The following PTPRD variants were observed in gnomAD, a reference collection of about 807,000 sequenced individuals.
PTPRD encodes the protein receptor-type tyrosine-protein phosphatase delta.
In PTPRD, 34 loss-of-function variants were observed where a neutral mutation model predicts 214.5. The ratio of observed to expected loss-of-function variants is 0.16; its 90% CI spans 0.12 to 0.21. PTPRD has a LOEUF of 0.21. Among genes scored for constraint, PTPRD ranks in the 10% least tolerant of loss-of-function variants. The pLI is 1.00. For synonymous variants in PTPRD, 1,128 were observed against 845.7 expected (o/e 1.33, Z -5.79); for missense variants, 2,545 against 2,398.7 (o/e 1.06, Z -1.27).
intron 10 of PTPRD, among the ~76,000 whole-genome samples, chr9:9,130,090 A>C (rs1307014903): frequency 6.6e-6 from 1 of 152,172 alleles, no homozygotes; most frequent in African/African-American, 2.4e-5. Context: ...TATGTTAAGT[A>C]CTAGGGATAG....
chr9:10,180,989 A>G (rs989409452), intron 3 of PTPRD, among the ~76,000 whole-genome samples: 10 of 152,096 alleles, frequency 6.6e-5, no homozygotes, highest in Non-Finnish European at 1.2e-4. Flanking sequence ...ATTTATTAAG[A>G]TTAAGAATAG....
At chr9:10,528,483 A>G (rs2055039783) in intron 2 of PTPRD, among the ~76,000 whole-genome samples, 1 of 152,190 alleles carries the variant, frequency 6.6e-6, no homozygotes, top group African/African-American at 2.4e-5. Context: ...ATATTATAAC[A>G]TCTTTTACCA....
At chr9:9,046,981 C>T (rs536463537) in intron 10 of PTPRD, among the ~76,000 whole-genome samples, 2 of 152,190 alleles carry the variant, frequency 1.3e-5, no homozygotes, top group African/African-American at 2.4e-5. Context: ...TCAAATAATC[C>T]TTGCTTGCAG....
chr9:9,829,591 G>A (rs1467813817), intron 5 of PTPRD, among the ~76,000 whole-genome samples: 10 of 151,690 alleles, frequency 6.6e-5, no homozygotes, highest in South Asian at 4.1e-4. Flanking sequence ...ATTTTGATAC[G>A]CAGTTAGCCA....
chr9:9,254,324 T>C (rs747883392), intron 9 of PTPRD, among the ~76,000 whole-genome samples: 5 of 152,048 alleles, frequency 3.3e-5, no homozygotes, highest in Non-Finnish European at 7.4e-5. Flanking sequence ...TCTGTCTGGT[T>C]GGATGTTGTA....
intron 11 of PTPRD, among the ~76,000 whole-genome samples, chr9:8,753,651 A>G (rs2093725598): frequency 6.6e-6 from 1 of 152,236 alleles, no homozygotes; most frequent in Admixed American, 6.5e-5. Context: ...TAAATACAAG[A>G]TCAATATAAG....
At chr9:10,284,592 G>T (rs2095276424) in intron 3 of PTPRD, among the ~76,000 whole-genome samples, 1 of 152,182 alleles carries the variant, frequency 6.6e-6, no homozygotes, top group Non-Finnish European at 1.5e-5. Flanking sequence ...CATAGTTCTT[G>T]TGGGTCAGAA....
In PTPRD at chr9:10,254,662, G is replaced by T. The variant is rs546258509; in HGVS notation, c.-545+86301C>A. Among the ~76,000 whole-genome samples, 43 of 152,176 alleles carry T rather than the reference G, an allele frequency of 2.8e-4. 1 individual carries two copies. Among genetic ancestry groups the T allele is most frequent in the Admixed American group, 4.6e-4 (7 of 15,290 alleles). ...AGAGTAAAAGATTCCCAAAAGGAAG[G>T]GGATCCTTTTGACTGCCAGATGTGG... On this transcript the variant is annotated intron_variant, in intron 3 of 45. Transcript: ENST00000381196.
chr9:9,742,901 C>G (rs981126365), intron 6 of PTPRD, among the ~76,000 whole-genome samples: 1 of 152,188 alleles, frequency 6.6e-6, no homozygotes, highest in South Asian at 2.1e-4. Context: ...ACTCATTATA[C>G]TGGCATAGAG....
chr9:9,843,438 G>A (rs1041234869), intron 5 of PTPRD, among the ~76,000 whole-genome samples: 13 of 151,496 alleles, frequency 8.6e-5, no homozygotes, highest in Non-Finnish European at 1.6e-4. Context: ...TAATGACCTT[G>A]GCCAAGTTAC....
At chr9:10,485,578 C>A (rs1426218872) in intron 2 of PTPRD, among the ~76,000 whole-genome samples, 1 of 151,932 alleles carries the variant, frequency 6.6e-6, no homozygotes, top group Non-Finnish European at 1.5e-5. Flanking sequence ...TCTTTCACTT[C>A]TTTGGTTAAG....
At chr9:10,111,024 G>C (rs1469938322) in intron 3 of PTPRD, among the ~76,000 whole-genome samples, 1 of 151,998 alleles carries the variant, frequency 6.6e-6, no homozygotes, top group Non-Finnish European at 1.5e-5. Flanking sequence ...AGAGTGCTGG[G>C]TTCTAGAACT....
At chr9:9,181,042 A>T (rs1468656949) in intron 10 of PTPRD, among the ~76,000 whole-genome samples, 1 of 152,066 alleles carries the variant, frequency 6.6e-6, no homozygotes, top group Non-Finnish European at 1.5e-5. Context: ...AAAGAATTTG[A>T]AAGTCAGAAA....
At chr9:9,523,043 T>A (rs2097026954) in intron 8 of PTPRD, among the ~76,000 whole-genome samples, 1 of 152,172 alleles carries the variant, frequency 6.6e-6, no homozygotes, top group Non-Finnish European at 1.5e-5. Flanking sequence ...TGACCTAACT[T>A]AATCATAATT....
At chr9:10,250,039 A>ATTG (rs34134694) in intron 3 of PTPRD, among the ~76,000 whole-genome samples, 88,244 of 151,674 alleles carry the variant, frequency 0.58, 27,458 homozygotes, top group East Asian at 0.73. Context: ...TAAAATGAAT[A>ATTG]TTAAGATGGG....
At chr9:8,387,787 G>C (rs2087734161) in intron 37 of PTPRD, among the ~76,000 whole-genome samples, 1 of 152,106 alleles carries the variant, frequency 6.6e-6, no homozygotes, top group South Asian at 2.1e-4. Context: ...TTCTTGTAAA[G>C]GGCTGTTATG....
intron 9 of PTPRD, among the ~76,000 whole-genome samples, chr9:9,204,151 G>T (rs2099943441): frequency 6.6e-6 from 1 of 152,118 alleles, no homozygotes; most frequent in Non-Finnish European, 1.5e-5. Flanking sequence ...CAAGAATAGG[G>T]ACTTCTGATT....
chr9:10,549,124 C>G (rs924453616), intron 2 of PTPRD, among the ~76,000 whole-genome samples: 4 of 152,042 alleles, frequency 2.6e-5, no homozygotes, highest in Admixed American at 2.6e-4. Flanking sequence ...ATATGTCCTG[C>G]GTAATACTCA....
chr9:8,340,983 G>A, intron 41 of PTPRD, 107 bp downstream of exon 41: 3 of 1,159,534 alleles, frequency 2.6e-6, no homozygotes, highest in Non-Finnish European at 3.6e-6. Context: ...GATGACCTAT[G>A]CAGAAAGAAA....
Sources: allele counts gnomAD v4.1 joint callset (sites outside exome capture counted in the v4.1 genomes callset), GRCh38; gene constraint gnomAD v4.1.1; transcripts MANE v1.5; gene names NCBI Gene and HGNC (gene_info 2026-07-23, HGNC 2026-07-21).